Variants in ALK observed in about 807,000 individuals in gnomAD.
ALK encodes ALK tyrosine kinase receptor.
A neutral mutation model predicts 163.1 loss-of-function variants in ALK; 74 were observed. The observed-to-expected ratio is 0.45, with a 90% CI of 0.38 to 0.55. The LOEUF (loss-of-function observed/expected upper bound fraction) is 0.55, where lower values mean the gene tolerates loss of function less well. Among genes scored for constraint, ALK ranks in the 20% least tolerant of loss-of-function variants. The pLI, the probability that ALK is intolerant of heterozygous loss-of-function variation, is 0.00. For missense variants in ALK, 2,063 were observed against 2,105.3 expected, an observed-to-expected ratio of 0.98 and a Z score of 0.39; for synonymous variants, 960 against 843.2, an observed-to-expected ratio of 1.14 and a Z score of -2.40.
At chr2:29,547,930 T>C (rs1408235691) in intron 3 of ALK, among the ~76,000 whole-genome samples, 1 of 152,234 alleles carries the variant, frequency 6.6e-6, no homozygotes, top group Non-Finnish European at 1.5e-5. Flanking sequence ...AGTGAAAATA[T>C]ATCTTAAATA....
At chr2:29,448,261 T>C (rs4589706) in intron 4 of ALK, among the ~76,000 whole-genome samples, 86,764 of 152,064 alleles carry the variant, frequency 0.57, 24,946 homozygotes, top group East Asian at 0.69. Context: ...GAGCCACAGA[T>C]GGTGCAGGAG....
chr2:29,658,012 G>A (rs773333569), intron 3 of ALK, among the ~76,000 whole-genome samples: 7 of 152,082 alleles, frequency 4.6e-5, no homozygotes, highest in Admixed American at 1.3e-4. Context: ...GTGTCTCTGC[G>A]GGCCATGCAT....
chr2:29,341,413 T>C (rs937507311), intron 5 of ALK, among the ~76,000 whole-genome samples: 1 of 152,186 alleles, frequency 6.6e-6, no homozygotes, highest in African/African-American at 2.4e-5. Context: ...AGGAGAGTGA[T>C]GGCTGATTCA....
At chr2:29,808,585 C>T (rs1052555737) in intron 1 of ALK, among the ~76,000 whole-genome samples, 4 of 152,182 alleles carry the variant, frequency 2.6e-5, no homozygotes, top group African/African-American at 9.7e-5. Context: ...GATGGAAAAA[C>T]AGACAAGCCA....
chr2:29,225,454 C>A lies in ALK; in HGVS notation c.3172+7G>T, dbSNP rs1663939743. The A allele has an allele frequency of 6.2e-7, 1 of 1,609,662 alleles. No homozygotes were observed. The highest frequency in any genetic ancestry group is 8.5e-7 in the Non-Finnish European group (1 of 1,177,666). Reference sequence around the variant, plus strand: ...CCTTGGGAGTCCCTGGGGCTCTGTGCACTCACCAATCATGATGCCGGAGAA... The same window carrying A: ...CCTTGGGAGTCCCTGGGGCTCTGTGAACTCACCAATCATGATGCCGGAGAA... On this transcript the variant is annotated splice_region_variant and intron_variant, in intron 19 of 28. Transcript: ENST00000389048.
In ALK at chr2:29,193,513, T is replaced by G. The variant is rs780976256; in HGVS notation, c.4574A>C (p.Lys1525Thr). Residue 1525 changes from lysine to threonine, a missense_variant, in exon 29 of 29, where the codon AAG (lysine) becomes ACG (threonine). Physicochemically the swap from Lys to Thr is moderately conservative, Grantham distance 78 (BLOSUM62 -1). This residue lies in a region of ALK where 403 missense variants were observed against 366.2 expected (regional missense o/e 1.10). Coordinates refer to ENST00000389048, the MANE Select transcript of ALK (RefSeq NM_004304.5). ...PTKKNNPIAK[K>T]EPHDRGNLGL... ...CAGGTTACCCCTGTCGTGTGGCTCC[T>G]TCTTTGCTATAGGATTATTCTTTTT... 1 of 1,613,770 alleles carries G rather than the reference T, an allele frequency of 6.2e-7. No homozygotes were observed. The highest frequency in any genetic ancestry group is 1.1e-5 in the South Asian group (1 of 91,084).
intron 4 of ALK, among the ~76,000 whole-genome samples, chr2:29,518,374 G>A (rs996544487): frequency 2.6e-5 from 4 of 152,148 alleles, no homozygotes; most frequent in African/African-American, 4.8e-5. Flanking sequence ...ATTTCTTTCC[G>A]AATCAGACAT....
intron 3 of ALK, among the ~76,000 whole-genome samples, chr2:29,647,287 C>T (rs1296582148): frequency 6.6e-6 from 1 of 152,158 alleles, no homozygotes; most frequent in Non-Finnish European, 1.5e-5. Flanking sequence ...TTCAGATGAG[C>T]TGCCACTAGG....
At chr2:29,846,039 T>C (rs572591203) in intron 1 of ALK, among the ~76,000 whole-genome samples, 67 of 152,342 alleles carry the variant, frequency 4.4e-4, no homozygotes, top group African/African-American at 1.5e-3. Flanking sequence ...CCCATACATC[T>C]GGCCCATGGT....
At chr2:29,844,210 A>T (rs967936986) in intron 1 of ALK, among the ~76,000 whole-genome samples, 1 of 152,160 alleles carries the variant, frequency 6.6e-6, no homozygotes, top group African/African-American at 2.4e-5. Flanking sequence ...GAAAGAAAAC[A>T]ACGCATGCAT....
chr2:29,608,646 C>T (rs1372779150), intron 3 of ALK, among the ~76,000 whole-genome samples: 1 of 152,214 alleles, frequency 6.6e-6, no homozygotes, highest in Non-Finnish European at 1.5e-5. Context: ...ACGATGCTTG[C>T]TCCTTGACCT....
rs1286446361 is a variant in ALK, at chr2:29,227,153, G to T, written c.2915-79C>A. 2 of 1,587,824 alleles carry T rather than the reference G, an allele frequency of 1.3e-6. No individual in the cohort carries two copies. The highest frequency in any genetic ancestry group is 8.6e-7 in the Non-Finnish European group (1 of 1,157,870). On this transcript the variant is annotated intron_variant, in intron 17 of 28. Coordinates refer to ENST00000389048, the MANE Select transcript of ALK (RefSeq NM_004304.5). This position sits in a 1 kb window ranked among gnomAD's most constrained non-coding sequence, Gnocchi z 4.4. ...AGCCTCAGTACTATGTCTCCAGGTG[G>T]TCACTGTGGGTGCTCTGGTGGTCCC...
intron 3 of ALK, among the ~76,000 whole-genome samples, chr2:29,607,574 C>T (rs931723397): frequency 1.3e-5 from 2 of 152,156 alleles, no homozygotes; most frequent in Non-Finnish European, 2.9e-5. Context: ...TAGCTAAAAC[C>T]AATAGTCAAG....
At chr2:29,532,386 G>A (rs1379963966) in intron 3 of ALK, among the ~76,000 whole-genome samples, 2 of 152,138 alleles carry the variant, frequency 1.3e-5, no homozygotes, top group Non-Finnish European at 2.9e-5. Context: ...TCCTACTTCT[G>A]TGTCCTAGAG....
At chr2:29,197,415 T>G (rs2148142786) in intron 27 of ALK, 127 bp downstream of exon 27, 1 of 1,413,434 alleles carries the variant, frequency 7.1e-7, no homozygotes, top group East Asian at 2.3e-5. Flanking sequence ...CATTCGCATC[T>G]TGGGGCATAT....
chr2:29,261,756 ACT>A (rs1665094437), intron 11 of ALK, among the ~76,000 whole-genome samples: 1 of 151,454 alleles, frequency 6.6e-6, no homozygotes, highest in Non-Finnish European at 1.5e-5. Context: ...TTTTATAGTG[ACT>A]CTGTCTCTGC....
intron 1 of ALK, among the ~76,000 whole-genome samples, chr2:29,816,162 A>G (rs1353939517): frequency 1.3e-5 from 2 of 152,350 alleles, no homozygotes; most frequent in Non-Finnish European, 2.9e-5. Flanking sequence ...CAAGCTTTCT[A>G]GTTAAGGAAA....
intron 3 of ALK, among the ~76,000 whole-genome samples, chr2:29,677,491 G>A (rs1677919378): frequency 6.6e-6 from 1 of 151,988 alleles, no homozygotes; most frequent in African/African-American, 2.4e-5. Context: ...TTGATCATGA[G>A]TGGATGTTGG....
At chr2:29,642,253 AC>A (rs1676725667) in intron 3 of ALK, among the ~76,000 whole-genome samples, 1 of 152,138 alleles carries the variant, frequency 6.6e-6, no homozygotes, top group Non-Finnish European at 1.5e-5. Flanking sequence ...TCAAATATGC[AC>A]CTTATTTCCT....
Sources: allele counts gnomAD v4.1 joint callset (sites outside exome capture counted in the v4.1 genomes callset), GRCh38; gene constraint gnomAD v4.1.1; regional missense constraint gnomAD v4.1.1; non-coding constraint Gnocchi (gnomAD v3.1); transcripts MANE v1.5; gene names NCBI Gene and HGNC (gene_info 2026-07-23, HGNC 2026-07-21).